Variants in CYTH3 observed in about 807,000 individuals in gnomAD.
CYTH3 encodes the protein cytohesin 3.
A neutral mutation model predicts 55.1 loss-of-function variants in CYTH3; 23 were observed. The observed-to-expected ratio is 0.42, with a 90% CI of 0.30 to 0.59. The LOEUF is 0.59. CYTH3 is among the 20% of genes least tolerant of loss of function. The probability of loss-of-function intolerance (pLI) is 0.20; values close to 1 mark genes in which losing one functional copy is unlikely to be tolerated. For missense variants in CYTH3, 413 were observed against 524.8 expected (o/e 0.79, Z 2.08); for synonymous variants, 249 against 194.9 (o/e 1.28, Z -2.31).
intron 1 of CYTH3, among the ~76,000 whole-genome samples, chr7:6,256,612 C>G (rs59898429): frequency 0.049 from 7,531 of 152,160 alleles, 649 homozygotes; most frequent in African/African-American, 0.17. Context: ...AAGTGGGGAG[C>G]GGTGGAAGCA....
intron 4 of CYTH3, among the ~76,000 whole-genome samples, chr7:6,179,675 A>AC: frequency 1.8e-5 from 1 of 55,364 alleles, no homozygotes; most frequent in Non-Finnish European, 3.1e-5. Flanking sequence ...CCACACACAC[A>AC]CCACACACAC....
intron 1 of CYTH3, among the ~76,000 whole-genome samples, chr7:6,235,906 A>G (rs1779510789): frequency 6.6e-6 from 1 of 152,242 alleles, no homozygotes; most frequent in African/African-American, 2.4e-5. Context: ...AGTACAGGGC[A>G]GTAGCTCCAA....
intron 1 of CYTH3, among the ~76,000 whole-genome samples, chr7:6,205,875 T>TA (rs370194149): frequency 0.045 from 1,266 of 28,068 alleles, 243 homozygotes; most frequent in East Asian, 0.16. Flanking sequence ...TCCTATCTCT[T>TA]AAAAAAAAAA....
chr7:6,188,536 T>G (rs1466817772), intron 2 of CYTH3, among the ~76,000 whole-genome samples: 2 of 151,926 alleles, frequency 1.3e-5, no homozygotes, highest in African/African-American at 2.4e-5. Context: ...AGCTCAGGTG[T>G]GTTTAGGTCA....
At chr7:6,185,282 G>C (rs1783606692) in intron 4 of CYTH3, among the ~76,000 whole-genome samples, 2 of 152,154 alleles carry the variant, frequency 1.3e-5, no homozygotes, top group African/African-American at 4.8e-5. Context: ...GATGTGCTGG[G>C]CCTTAAGAAA....
Position 6,190,535 on chromosome 7 carries a change from AAAG to A in CYTH3, c.35-7_35-5del. The stretch of plus-strand genomic sequence containing the variant: ...TCTAATGAGAGGTCTTCAGGCACTG[AAAG>A]AAGAAAAAAATAATTAACTACTTTG... On this transcript the variant is annotated splice_polypyrimidine_tract_variant and splice_region_variant and intron_variant, in intron 1 of 12. Transcript: ENST00000350796. 6.7e-7 allele frequency: 1 copy of A among 1,502,702 alleles called. No individual in the cohort carries two copies. The highest frequency in any genetic ancestry group is 8.8e-7 in the Non-Finnish European group (1 of 1,137,052). The allele number at this position is 1,502,702 out of a possible 1,614,324, so 93.1% of individuals were successfully genotyped here.
At chr7:6,270,324 C>T (rs1780617007) in intron 1 of CYTH3, among the ~76,000 whole-genome samples, 2 of 152,138 alleles carry the variant, frequency 1.3e-5, no homozygotes, top group African/African-American at 4.8e-5. Context: ...TAGTCATAAA[C>T]TAAATCAATA....
rs2301910 is a variant in CYTH3 at position 6,165,368 on chromosome 7, A to G, written c.1032T>C (p.Thr344=). 2 of 1,614,046 alleles carry G rather than the reference A, an allele frequency of 1.2e-6. No homozygotes were observed. Among genetic ancestry groups the G allele is most frequent in the Non-Finnish European group, 1.7e-6 (2 of 1,179,990 alleles). The change falls in exon 12 of 13, where the codon ACT becomes ACC. Residue 344 remains threonine (T), a synonymous_variant. Coordinates refer to ENST00000350796, the MANE Select transcript of CYTH3 (RefSeq NM_004227.4). Reference sequence around the variant, plus strand: ...CCTCTACCACGCGGCCGTCGGCCTCAGTCTTACAGGCCTTGATGACCTGCC... The same window carrying G: ...CCTCTACCACGCGGCCGTCGGCCTCGGTCTTACAGGCCTTGATGACCTGCC... ...HKGQVIKACK[T]EADGRVVEGN...
At chr7:6,255,842 C>A (rs892853082) in intron 1 of CYTH3, among the ~76,000 whole-genome samples, 1 of 143,318 alleles carries the variant, frequency 7.0e-6, no homozygotes, top group African/African-American at 2.6e-5. Context: ...CTGCTCACTA[C>A]AAGCTCCGCC....
intron 1 of CYTH3, among the ~76,000 whole-genome samples, chr7:6,259,832 A>AATATATATATATATATT (rs1562418350): frequency 5.7e-5 from 1 of 17,570 alleles, no homozygotes; most frequent in Non-Finnish European, 8.3e-5. Context: ...ATATATATAT[A>AATATATATATATATATT]TTTTTTTTTT....
intron 1 of CYTH3, among the ~76,000 whole-genome samples, chr7:6,247,967 C>T (rs1024345929): frequency 2.0e-5 from 3 of 151,928 alleles, no homozygotes; most frequent in Non-Finnish European, 2.9e-5. Flanking sequence ...TGCCCAGCCT[C>T]ATTTTATAAC....
chr7:6,240,778 T>C (rs1779653264), intron 1 of CYTH3, among the ~76,000 whole-genome samples: 1 of 152,120 alleles, frequency 6.6e-6, no homozygotes, highest in Non-Finnish European at 1.5e-5. Context: ...AATCTTAGAA[T>C]GGCCTTCCAT....
intron 1 of CYTH3, among the ~76,000 whole-genome samples, chr7:6,205,376 C>T (rs1784159315): frequency 6.6e-6 from 1 of 152,082 alleles, no homozygotes; most frequent in African/African-American, 2.4e-5. Context: ...AGTTTGAGAT[C>T]AGGCTGGCCA....
intron 1 of CYTH3, among the ~76,000 whole-genome samples, chr7:6,215,881 A>G (rs1300640207): frequency 6.6e-6 from 1 of 152,246 alleles, no homozygotes; most frequent in Non-Finnish European, 1.5e-5. Flanking sequence ...CAATGGCCAG[A>G]GGAAGTAGCA....
chr7:6,186,985 G>C, intron 4 of CYTH3, 65 bp downstream of exon 4: 1 of 1,530,770 alleles, frequency 6.5e-7, no homozygotes. Flanking sequence ...GTCCAAAAGG[G>C]AAACGGCAGT....
Position 6,170,667 on chromosome 7 carries a change from A to T in CYTH3, c.712-21T>A, listed in dbSNP as rs778149345. ...AAATTCTGCAAGGAGGGAAAACAGC[A>T]GCCAGTTCAGAGACTCGGAGGAAAA... is the stretch of plus-strand genomic sequence containing the variant. On this transcript the variant is annotated intron_variant, in intron 8 of 12. Coordinates refer to ENST00000350796, the MANE Select transcript of CYTH3 (RefSeq NM_004227.4). The surrounding 1 kb of genome is among the most constrained non-coding windows in gnomAD (Gnocchi z 7.8). 6.2e-7 allele frequency: 1 copy of T among 1,608,592 alleles called. No individual in the cohort carries two copies. The highest frequency in any genetic ancestry group is 1.3e-5 in the African/African-American group (1 of 74,836).
In CYTH3 at chr7:6,272,529, G is replaced by A; in HGVS notation, c.-22C>T. The A allele has an allele frequency of 1.5e-6, 2 of 1,323,226 alleles. No individual in the cohort carries two copies. Among genetic ancestry groups the A allele is most frequent in the Non-Finnish European group, 9.8e-7 (1 of 1,024,514 alleles). 82.0% of individuals were successfully genotyped at this position (1,323,226 alleles called of 1,614,324 possible). A position where few individuals can be genotyped will look rare whatever the true frequency, so the allele number is the denominator to read the frequency against. ...CCATCTTGAGGCCACTCCCGCAGCC[G>A]GCGAGCCGGGGGCCGGCAGCAGAGG... On this transcript the variant is annotated 5_prime_UTR_variant, in exon 1 of 13. Coordinates refer to ENST00000350796, the MANE Select transcript of CYTH3 (RefSeq NM_004227.4).
chr7:6,241,037 G>A (rs969028441), intron 1 of CYTH3, among the ~76,000 whole-genome samples: 6 of 151,924 alleles, frequency 3.9e-5, no homozygotes, highest in African/African-American at 1.2e-4. Flanking sequence ...CTGGAGAATC[G>A]CTTGAACCTG....
intron 1 of CYTH3, among the ~76,000 whole-genome samples, chr7:6,249,675 C>A (rs1177496971): frequency 6.6e-6 from 1 of 152,226 alleles, no homozygotes; most frequent in Non-Finnish European, 1.5e-5. Context: ...GTGTGTTACA[C>A]TCTATCCTTT....
Sources: allele counts gnomAD v4.1 joint callset (sites outside exome capture counted in the v4.1 genomes callset), GRCh38; gene constraint gnomAD v4.1.1; non-coding constraint Gnocchi (gnomAD v3.1); transcripts MANE v1.5; gene names NCBI Gene and HGNC (gene_info 2026-07-23, HGNC 2026-07-21).